The following LTBP1 variants were observed in gnomAD, a reference collection of about 807,000 sequenced individuals.
LTBP1 encodes the protein latent-transforming growth factor beta-binding protein 1.
A neutral mutation model predicts 207.6 loss-of-function variants in LTBP1; 129 were observed. The ratio of observed to expected loss-of-function variants is 0.62; its 90% CI spans 0.54 to 0.72. The LOEUF is 0.72. Among genes scored for constraint, LTBP1 ranks in the 30% least tolerant of loss-of-function variants. The pLI, the probability that LTBP1 is intolerant of heterozygous loss-of-function variation, is 0.00. For missense variants in LTBP1, 2,281 were observed against 2,217.2 expected, an observed-to-expected ratio of 1.03 and a Z score of -0.58; for synonymous variants, 963 against 833.7, an observed-to-expected ratio of 1.16 and a Z score of -2.67.
intron 2 of LTBP1, among the ~76,000 whole-genome samples, chr2:33,005,160 C>G (rs913118782): frequency 1.3e-5 from 2 of 152,124 alleles, no homozygotes; most frequent in Admixed American, 1.3e-4. Context: ...TCAGTTATTC[C>G]TGCAAGATGA....
chr2:33,082,861 G>C (rs577814109), intron 3 of LTBP1, among the ~76,000 whole-genome samples: 1 of 152,042 alleles, frequency 6.6e-6, no homozygotes, highest in African/African-American at 2.4e-5. Context: ...TGCCTTTGCC[G>C]GTCACTGGGT....
intron 2 of LTBP1, among the ~76,000 whole-genome samples, chr2:33,011,224 A>G (rs921355812): frequency 4.6e-5 from 7 of 152,188 alleles, no homozygotes; most frequent in East Asian, 1.9e-4. Context: ...TCCTCTTGGC[A>G]TGTAGGAGTG....
At chr2:33,343,386 G>T (rs1276624632) in intron 25 of LTBP1, among the ~76,000 whole-genome samples, 2 of 143,958 alleles carry the variant, frequency 1.4e-5, no homozygotes, top group African/African-American at 5.4e-5. Flanking sequence ...ACGGCAGCTT[G>T]GGCAACAGAG....
rs753155140 is a variant in LTBP1, at chr2:33,217,654, T to C, written c.1804T>C (p.Ser602Pro). ...NKCQKCPKKP[S>P]YHGYNQMMEC... ...ATGCCAGAAATGCCCCAAGAAACCA[T>C]GTAAGTAATGTTTCCTCACTCCTTT... Residue 602 changes from serine to proline, a missense_variant and splice_region_variant, in exon 8 of 34, where the codon TCT (serine) becomes CCT (proline). Ser to Pro is a moderately conservative substitution (Grantham distance 74). Around this residue, in one of 3 missense-constraint regions of LTBP1, gnomAD observed 1,671 missense variants for 1,634.8 expected, o/e 1.02. Transcript: ENST00000404816. 6.8e-6 allele frequency: 11 copies of C among 1,607,614 alleles called. No homozygotes were observed. The Admixed American group carries it at 1.8e-4, about 27-fold the overall frequency.
At chr2:33,060,077 C>G (rs2077188821) in intron 3 of LTBP1, among the ~76,000 whole-genome samples, 1 of 152,150 alleles carries the variant, frequency 6.6e-6, no homozygotes, top group Non-Finnish European at 1.5e-5. Context: ...GGAGGCTGAC[C>G]TTGGACTGTG....
chr2:32,960,814 G>A (rs1048240716), intron 2 of LTBP1, among the ~76,000 whole-genome samples: 1 of 152,168 alleles, frequency 6.6e-6, no homozygotes, highest in Non-Finnish European at 1.5e-5. Flanking sequence ...AGGCCTTGGA[G>A]TGGGGATAGG....
intron 5 of LTBP1, among the ~76,000 whole-genome samples, chr2:33,185,380 T>C (rs1281418011): frequency 1.3e-5 from 2 of 152,130 alleles, no homozygotes; most frequent in South Asian, 2.1e-4. Flanking sequence ...GAGTTCAATT[T>C]TGAATTTGAG....
At chr2:33,379,196 C>CTTTTTTTTTTT (rs550839552) in intron 31 of LTBP1, among the ~76,000 whole-genome samples, 4 of 108,542 alleles carry the variant, frequency 3.7e-5, no homozygotes, top group Non-Finnish European at 3.6e-5. Context: ...TTTGCCATTG[C>CTTTTTTTTTTT]TTTTTTTTTT....
intron 5 of LTBP1, among the ~76,000 whole-genome samples, chr2:33,169,108 C>T (rs2085198325): frequency 6.6e-6 from 1 of 152,196 alleles, no homozygotes; most frequent in African/African-American, 2.4e-5. Context: ...ACATTGTCCA[C>T]CCAGAATTTA....
chr2:33,077,191 A>G (rs1226045799), intron 3 of LTBP1, among the ~76,000 whole-genome samples: 3 of 152,180 alleles, frequency 2.0e-5, no homozygotes, highest in Non-Finnish European at 4.4e-5. Context: ...ATGCTAATCA[A>G]TGGGAAGGTT....
chr2:33,164,749 G>GT (rs1189333479), intron 5 of LTBP1, among the ~76,000 whole-genome samples: 2 of 152,194 alleles, frequency 1.3e-5, no homozygotes, highest in African/African-American at 2.4e-5. Flanking sequence ...CTCCACTGAG[G>GT]TTCATTCCAA....
intron 9 of LTBP1, among the ~76,000 whole-genome samples, chr2:33,232,325 A>C (rs2091836811): frequency 6.6e-6 from 1 of 152,194 alleles, no homozygotes; most frequent in Admixed American, 6.5e-5. Flanking sequence ...AGTTGAGAAG[A>C]GGGTTCAGAG....
intron 3 of LTBP1, among the ~76,000 whole-genome samples, chr2:33,098,913 C>G (rs1417300221): frequency 6.6e-6 from 1 of 152,138 alleles, no homozygotes; most frequent in Non-Finnish European, 1.5e-5. Context: ...ACAGACCTAC[C>G]AAGTTGAGGC....
At chr2:33,019,371 C>G (rs1002657530) in intron 2 of LTBP1, among the ~76,000 whole-genome samples, 6 of 123,814 alleles carry the variant, frequency 4.8e-5, no homozygotes, top group Non-Finnish European at 9.6e-5. Flanking sequence ...AAGTTTCCCT[C>G]TGTCATCCAG....
chr2:33,372,089 A>G (rs1195074668), intron 31 of LTBP1, among the ~76,000 whole-genome samples: 1 of 152,172 alleles, frequency 6.6e-6, no homozygotes, highest in Non-Finnish European at 1.5e-5. Context: ...CCTAGTGGAT[A>G]AGGGAGAATA....
rs2092414056 is a variant in LTBP1 at position 33,243,684 on chromosome 2, A to G, written c.1899A>G (p.Gln633=). Residue 633 remains glutamine (Q), a synonymous_variant, in exon 10 of 34, where the codon CAA becomes CAG. Transcript: ENST00000404816. ...CAGATATTAATGAATGTCAGCTACA[A>G]GGTGTATGCCCTAATGGTGAGTGTT... ...FCQDINECQL[Q]GVCPNGECLN... 6.2e-7 allele frequency: 1 copy of G among 1,613,928 alleles called. No homozygotes were observed. Among genetic ancestry groups the G allele is most frequent in the Non-Finnish European group, 8.5e-7 (1 of 1,179,902 alleles).
chr2:33,287,021 T>C (rs982870369), intron 19 of LTBP1, among the ~76,000 whole-genome samples: 2 of 152,182 alleles, frequency 1.3e-5, no homozygotes, highest in African/African-American at 2.4e-5. Context: ...ACATGGCACA[T>C]GTATACATAT....
chr2:33,379,155 A>C (rs1279957063), intron 31 of LTBP1, among the ~76,000 whole-genome samples: 1 of 150,296 alleles, frequency 6.7e-6, no homozygotes, highest in South Asian at 2.1e-4. Flanking sequence ...TTTCAAGAAA[A>C]TACTAGGTTG....
At chr2:33,258,571 A>AT (rs1376714901) in intron 12 of LTBP1, among the ~76,000 whole-genome samples, 2 of 152,202 alleles carry the variant, frequency 1.3e-5, no homozygotes, top group African/African-American at 4.8e-5. Context: ...AATCAACAGT[A>AT]TTAATCAGTT....
Sources: allele counts gnomAD v4.1 joint callset (sites outside exome capture counted in the v4.1 genomes callset), GRCh38; gene constraint gnomAD v4.1.1; regional missense constraint gnomAD v4.1.1; transcripts MANE v1.5; gene names NCBI Gene and HGNC (gene_info 2026-07-23, HGNC 2026-07-21).